The following LRFN5 variants were observed in gnomAD, a reference collection of about 807,000 sequenced individuals.
LRFN5 encodes leucine-rich repeat and fibronectin type-III domain-containing protein 5.
LRFN5 carries 24 observed loss-of-function variants against 45.6 expected under a neutral mutation model. The ratio of observed to expected loss-of-function variants is 0.53; its 90% CI spans 0.38 to 0.74. The LOEUF is 0.74. LRFN5 is among the 30% of genes least tolerant of loss of function. LRFN5 has a pLI of 0.00. For synonymous variants in LRFN5, 340 were observed against 313.8 expected, an observed-to-expected ratio of 1.08 and a Z score of -0.88; for missense variants, 776 against 861.5, an observed-to-expected ratio of 0.90 and a Z score of 1.24.
intron 2 of LRFN5, among the ~76,000 whole-genome samples, chr14:41,817,271 C>T (rs1887953992): frequency 1.3e-5 from 2 of 151,972 alleles, no homozygotes; most frequent in Non-Finnish European, 1.5e-5. Flanking sequence ...ACAATTGAGT[C>T]GCATTCTGCT....
At chr14:41,633,578 C>T (rs1196287945) in intron 1 of LRFN5, among the ~76,000 whole-genome samples, 1 of 152,048 alleles carries the variant, frequency 6.6e-6, no homozygotes, top group Non-Finnish European at 1.5e-5. Context: ...ATGTCAGTGC[C>T]TGTTTTGTCT....
At position 41,887,959 on chromosome 14, in the gene LRFN5, G is replaced by T; in HGVS notation, c.1334G>T (p.Arg445Leu). Residue 445 changes from arginine to leucine, a missense_variant, in exon 3 of 6, where the codon CGT becomes CTT. By Grantham distance (102) the Arg-to-Leu change is moderately radical. This residue lies in a region of LRFN5 where 465 missense variants were observed against 456.4 expected (regional missense o/e 1.02). Coordinates refer to ENST00000298119, the MANE Select transcript of LRFN5 (RefSeq NM_152447.5). This position sits in a 1 kb window ranked among gnomAD's most constrained non-coding sequence, Gnocchi z 4.8. ...TTTCAAAGAAATATCCCTGGAATAC[G>T]TATGTTTCAAATCCAGTACAATGGT... is the stretch of plus-strand genomic sequence containing the variant. The part of the protein sequence containing the change: ...FNFQRNIPGI[R>L]MFQIQYNGTY... 6.2e-7 allele frequency: 1 copy of T among 1,613,298 alleles called. No individual in the cohort carries two copies. The highest frequency in any genetic ancestry group is 8.5e-7 in the Non-Finnish European group (1 of 1,179,592).
intron 2 of LRFN5, among the ~76,000 whole-genome samples, chr14:41,819,565 C>T (rs893268012): frequency 1.3e-5 from 2 of 152,058 alleles, no homozygotes; most frequent in Non-Finnish European, 2.9e-5. Flanking sequence ...TGCAGACTGT[C>T]CAGGAAGCAT....
At chr14:41,639,949 ATTTTTT>A (rs34020254) in intron 1 of LRFN5, among the ~76,000 whole-genome samples, 6 of 68,032 alleles carry the variant, frequency 8.8e-5, no homozygotes, top group Non-Finnish European at 1.3e-4. Flanking sequence ...TGACTGGCTA[ATTTTTT>A]TTTTTTTTTT....
At chr14:41,775,763 T>TA (rs1886267887) in intron 2 of LRFN5, among the ~76,000 whole-genome samples, 2 of 152,322 alleles carry the variant, frequency 1.3e-5, no homozygotes, top group African/African-American at 4.8e-5. Context: ...CCTCTCGTTA[T>TA]AAAAAAGGAG....
chr14:41,669,213 TGAGGACATTTATA>T (rs1881047552), intron 1 of LRFN5, among the ~76,000 whole-genome samples: 1 of 151,620 alleles, frequency 6.6e-6, no homozygotes, highest in Non-Finnish European at 1.5e-5. Context: ...GAGGAAAACA[TGAGGACATTTATA>T]ATCTTGCAGT....
At chr14:41,640,964 A>G (rs1879547584) in intron 1 of LRFN5, among the ~76,000 whole-genome samples, 1 of 152,138 alleles carries the variant, frequency 6.6e-6, no homozygotes, top group Admixed American at 6.6e-5. Flanking sequence ...ACTATATGTG[A>G]ATCCCTGGTG....
chr14:41,747,335 A>G (rs1244935102), intron 1 of LRFN5, among the ~76,000 whole-genome samples: 1 of 122,362 alleles, frequency 8.2e-6, no homozygotes, highest in Non-Finnish European at 1.7e-5. Flanking sequence ...ATAAAAACAA[A>G]CATATATACC....
chr14:41,883,959 C>T (rs977663358), intron 2 of LRFN5, among the ~76,000 whole-genome samples: 4 of 151,362 alleles, frequency 2.6e-5, no homozygotes, highest in Non-Finnish European at 5.9e-5. Context: ...ATTTTTGTTC[C>T]CTTTCCTTTC....
intron 1 of LRFN5, among the ~76,000 whole-genome samples, chr14:41,635,029 G>A (rs1010899985): frequency 2.6e-5 from 4 of 151,760 alleles, no homozygotes; most frequent in South Asian, 2.1e-4. Flanking sequence ...TTTACAATCG[G>A]GGAATTATTA....
At chr14:41,796,109 AT>A (rs1218218277) in intron 2 of LRFN5, among the ~76,000 whole-genome samples, 1 of 152,032 alleles carries the variant, frequency 6.6e-6, no homozygotes, top group Non-Finnish European at 1.5e-5. Context: ...AAATAAAAAA[AT>A]AAATTTAAAC....
chr14:41,902,425 G>T (rs1348894194), intron 5 of LRFN5, among the ~76,000 whole-genome samples: 1 of 151,734 alleles, frequency 6.6e-6, no homozygotes, highest in Non-Finnish European at 1.5e-5. Context: ...AAATTAAAAA[G>T]TGTCATTTTG....
chr14:41,637,251 T>G (rs1478499904), intron 1 of LRFN5, among the ~76,000 whole-genome samples: 1 of 152,118 alleles, frequency 6.6e-6, no homozygotes. Context: ...TGATTGTAAC[T>G]AGGGAGAGTT....
chr14:41,759,918 G>A (rs1049779981), intron 1 of LRFN5, among the ~76,000 whole-genome samples: 8 of 152,262 alleles, frequency 5.3e-5, no homozygotes, highest in African/African-American at 1.7e-4. Flanking sequence ...CAGATGATGC[G>A]CTATTATGTA....
chr14:41,630,297 G>T (rs1888489566), intron 1 of LRFN5, among the ~76,000 whole-genome samples: 1 of 152,116 alleles, frequency 6.6e-6, no homozygotes, highest in South Asian at 2.1e-4. Context: ...TTAGGGCAAA[G>T]ACTTTTTTTC....
intron 1 of LRFN5, among the ~76,000 whole-genome samples, chr14:41,753,902 G>A (rs1420152886): frequency 1.3e-5 from 2 of 152,086 alleles, no homozygotes; most frequent in Admixed American, 1.3e-4. Flanking sequence ...CTGTGGGTTT[G>A]TCATAGATAG....
intron 1 of LRFN5, among the ~76,000 whole-genome samples, chr14:41,713,871 T>C (rs1201499260): frequency 2.0e-5 from 3 of 152,154 alleles, no homozygotes; most frequent in African/African-American, 7.2e-5. Flanking sequence ...TGTAGGAATG[T>C]AATAATTCCA....
intron 1 of LRFN5, among the ~76,000 whole-genome samples, chr14:41,637,907 C>T (rs1879380670): frequency 6.6e-6 from 1 of 152,110 alleles, no homozygotes. Context: ...ACTGCAGGTA[C>T]CTAGATAGCT....
In LRFN5 at chr14:41,606,925, C is replaced by A. The variant is rs1161262333; in HGVS notation, c.-1834C>A. On this transcript the variant is annotated 5_prime_UTR_variant, in exon 1 of 6. Transcript: ENST00000298119. ...CAGCGCAGGGCTCAGTTCCACGCGG[C>A]CAGGAGGCCGCCGTTGCCCACACGC... 6.6e-6 allele frequency among the ~76,000 whole-genome samples: 1 copy of A among 151,956 alleles called. No individual in the cohort carries two copies. The highest frequency in any genetic ancestry group is 1.5e-5 in the Non-Finnish European group (1 of 67,954).
Sources: gnomAD v4.1 joint callset for allele counts (sites outside exome capture counted in the v4.1 genomes callset) on GRCh38, gnomAD v4.1.1 for gene constraint, gnomAD v4.1.1 regional missense constraint, Gnocchi (gnomAD v3.1) non-coding constraint, MANE v1.5 for transcripts, NCBI Gene and HGNC (gene_info 2026-07-23, HGNC 2026-07-21) for gene names.